TFEC: variants seen among roughly 807,000 people sequenced by gnomAD.
TFEC encodes class E basic helix-loop-helix protein 34.
In TFEC, 31 loss-of-function variants were observed where a neutral mutation model predicts 41.6. The observed-to-expected ratio is 0.74, with a 90% confidence interval of 0.56 to 1.01. TFEC has a LOEUF of 1.01. Ranked by LOEUF, TFEC falls within the 50% of genes least tolerant of loss-of-function variation. TFEC has a pLI of 0.00. For missense variants in TFEC, 402 were observed against 404.1 expected, an observed-to-expected ratio of 0.99 and a Z score of 0.04; for synonymous variants, 143 against 140.6, an observed-to-expected ratio of 1.02 and a Z score of -0.12.
intron 1 of TFEC, among the ~76,000 whole-genome samples, chr7:115,992,623 G>A (rs1379384190): frequency 6.6e-6 from 1 of 152,044 alleles, no homozygotes; most frequent in African/African-American, 2.4e-5. Flanking sequence ...ATAAATTCCT[G>A]GATACATACA....
chr7:116,052,819 CAGCACTTTGGG>C (rs1350619037), intron 3 of TFEC, among the ~76,000 whole-genome samples: 2 of 151,668 alleles, frequency 1.3e-5, no homozygotes, highest in Non-Finnish European at 2.9e-5. Context: ...CCTGTAATCC[CAGCACTTTGGG>C]AGGCCGAGGT....
chr7:116,105,359 T>C (rs17138294), intron 3 of TFEC, among the ~76,000 whole-genome samples: 3,552 of 152,262 alleles, frequency 0.023, 147 homozygotes, highest in African/African-American at 0.08. Context: ...ACAAATATTT[T>C]TCTCCAGTTA....
Position 115,940,379 on chromosome 7 carries a change from C to A in TFEC, c.*172G>T. ...TTTTTCGCCCTCAATAATTCATTAA[C>A]ACTATGATTTTTCTTCCTGCGAATT... On this transcript the variant is annotated 3_prime_UTR_variant, in exon 8 of 8. Transcript: ENST00000265440. The A allele has an allele frequency of 2.9e-6, 2 of 681,054 alleles. No homozygotes were observed. Among genetic ancestry groups the A allele is most frequent in the Non-Finnish European group, 4.6e-6 (2 of 439,410 alleles). The allele number at this position is 681,054 out of a possible 1,614,324, so 42.2% of individuals were successfully genotyped here.
At chr7:115,970,593 C>CAGT (rs1317903834) in intron 3 of TFEC, among the ~76,000 whole-genome samples, 15 of 151,806 alleles carry the variant, frequency 9.9e-5, no homozygotes, top group African/African-American at 3.4e-4. Context: ...ATTTATAATA[C>CAGT]AGTAGATCAG....
At chr7:116,033,896 T>A (rs543305608), upstream of TFEC, among the ~76,000 whole-genome samples, 1 of 152,266 alleles carries the variant, frequency 6.6e-6, no homozygotes, top group South Asian at 2.1e-4. Context: ...ATACTCACTG[T>A]CTTCAATTCC....
chr7:116,020,110 T>C lies in TFEC; in HGVS notation c.-73+10523A>G, dbSNP rs569463002. Among the ~76,000 whole-genome samples, 6 of 152,284 alleles carry C rather than the reference T, an allele frequency of 3.9e-5. No individual in the cohort carries two copies. The East Asian group carries it at 5.8e-4, about 15-fold the overall frequency. Reference sequence around the variant, plus strand: ...ACCTTATTCTCTACATACTACATAATGCCTGAGAAAGTGGGGCCAGAGGAT... The same window carrying C: ...ACCTTATTCTCTACATACTACATAACGCCTGAGAAAGTGGGGCCAGAGGAT... On this transcript the variant is annotated intron_variant, in intron 1 of 7. Coordinates refer to ENST00000265440, the MANE Select transcript of TFEC (RefSeq NM_012252.4).
chr7:116,136,390 T>C (rs1255173916), intron 1 of TFEC, among the ~76,000 whole-genome samples: 5 of 152,056 alleles, frequency 3.3e-5, no homozygotes, highest in Admixed American at 6.5e-5. Context: ...ATCAAGCCTA[T>C]GGTACAGCTG....
At chr7:115,993,945 A>G (rs1204521182) in intron 1 of TFEC, among the ~76,000 whole-genome samples, 1 of 152,220 alleles carries the variant, frequency 6.6e-6, no homozygotes, top group Non-Finnish European at 1.5e-5. Context: ...ACGCTATCTG[A>G]CTTCAAACTA....
At chr7:116,098,076 C>A (rs1457296673) in intron 3 of TFEC, among the ~76,000 whole-genome samples, 3 of 152,012 alleles carry the variant, frequency 2.0e-5, no homozygotes, top group African/African-American at 4.8e-5. Context: ...AAAAACATGA[C>A]CAAAATTATA....
intron 3 of TFEC, among the ~76,000 whole-genome samples, chr7:116,107,666 T>G (rs1204221981): frequency 1.3e-5 from 2 of 152,200 alleles, no homozygotes; most frequent in East Asian, 3.9e-4. Flanking sequence ...TGATTTCATC[T>G]ACTTCATACT....
chr7:115,956,556 T>C (rs1792241544), intron 4 of TFEC, 123 bp downstream of exon 4: 3 of 533,938 alleles, frequency 5.6e-6, no homozygotes, highest in Admixed American at 3.7e-5. Context: ...GAATTTACTG[T>C]CTGCCTTCTT....
chr7:115,996,360 A>T, intron 1 of TFEC, among the ~76,000 whole-genome samples: 1 of 152,136 alleles, frequency 6.6e-6, no homozygotes, highest in East Asian at 1.9e-4. Flanking sequence ...ATAGCAGGGA[A>T]GGATCCAGTC....
intron 3 of TFEC, among the ~76,000 whole-genome samples, chr7:116,102,193 T>C (rs1357152831): frequency 6.6e-6 from 1 of 152,188 alleles, no homozygotes; most frequent in Non-Finnish European, 1.5e-5. Context: ...AGAAATTGCC[T>C]AAGGATCAAC....
At chr7:116,072,961 G>C (rs1251598541) in intron 3 of TFEC, among the ~76,000 whole-genome samples, 1 of 151,290 alleles carries the variant, frequency 6.6e-6, no homozygotes, top group Non-Finnish European at 1.5e-5. Flanking sequence ...AGGGTCCAGA[G>C]AGTGCAATTA....
chr7:116,002,695 GGATAAATACTTGAGGT>G (rs1482885225), intron 1 of TFEC, among the ~76,000 whole-genome samples: 4 of 152,012 alleles, frequency 2.6e-5, no homozygotes, highest in African/African-American at 9.7e-5. Context: ...TGTAACACAA[GGATAAATACTTGAGGT>G]GATAGATACC....
At chr7:116,085,399 T>C (rs1003884331) in intron 3 of TFEC, among the ~76,000 whole-genome samples, 1 of 151,860 alleles carries the variant, frequency 6.6e-6, no homozygotes, top group Non-Finnish European at 1.5e-5. Flanking sequence ...ATCCCATAAA[T>C]CTTATCATCT....
intron 3 of TFEC, among the ~76,000 whole-genome samples, chr7:116,041,615 T>A (rs1233753740): frequency 6.6e-6 from 1 of 152,186 alleles, no homozygotes; most frequent in Non-Finnish European, 1.5e-5. Flanking sequence ...CTGTGGCAAG[T>A]AATGGTGTGC....
chr7:116,066,154 T>A lies in TFEC; in HGVS notation c.198+44554A>T, dbSNP rs370885178. Among the ~76,000 whole-genome samples the A allele has an allele frequency of 6.6e-5, 10 of 152,278 alleles. No individual in the cohort carries two copies. The East Asian group carries it at 1.5e-3, about 24-fold the overall frequency. ...GGCTCTTCTATCCCTATTGAGGAGA[T>A]GAATTCACCCATTTGTCATTACCTG... On this transcript the variant is annotated intron_variant, in intron 3 of 8. Coordinates refer to the TFEC transcript ENST00000484212.
intron 1 of TFEC, among the ~76,000 whole-genome samples, chr7:115,995,836 G>C (rs1794343632): frequency 6.6e-6 from 1 of 152,190 alleles, no homozygotes; most frequent in Non-Finnish European, 1.5e-5. Context: ...TGACACAGTG[G>C]AAAGCAACAT....
Sources: gnomAD v4.1 joint callset for allele counts (sites outside exome capture counted in the v4.1 genomes callset) on GRCh38, gnomAD v4.1.1 for gene constraint, MANE v1.5 for transcripts, NCBI Gene and HGNC (gene_info 2026-07-23, HGNC 2026-07-21) for gene names.